The following GRIK2 variants were observed in gnomAD, a reference collection of about 807,000 sequenced individuals.
GRIK2 encodes glutamate receptor ionotropic, kainate 2.
A neutral mutation model predicts 100.3 loss-of-function variants in GRIK2; 32 were observed. The observed-to-expected ratio is 0.32, with a 90% CI of 0.24 to 0.43. The LOEUF is 0.43. Among genes scored for constraint, GRIK2 ranks in the 20% least tolerant of loss-of-function variants. GRIK2 has a pLI of 1.00. For synonymous variants in GRIK2, 417 were observed against 389.4 expected, an observed-to-expected ratio of 1.07 and a Z score of -0.83; for missense variants, 843 against 1,114.9, an observed-to-expected ratio of 0.76 and a Z score of 3.47.
chr6:101,689,332 A>G lies in GRIK2; in HGVS notation c.951+2979A>G, dbSNP rs959988779. Among the ~76,000 whole-genome samples, 88 of 152,032 alleles carry G rather than the reference A, an allele frequency of 5.8e-4. 1 individual carries two copies. Among genetic ancestry groups the G allele is most frequent in the Admixed American group, 4.6e-4 (7 of 15,232 alleles). On this transcript the variant is annotated intron_variant, in intron 7 of 16. Transcript: ENST00000369134. The stretch of plus-strand genomic sequence containing the variant: ...CAAAGTTTCTAGTGCTTGGAGCAAG[A>G]CCTATTATTATCAGTATCATAATCA...
chr6:101,562,951 A>G (rs981268031), intron 2 of GRIK2, among the ~76,000 whole-genome samples: 1 of 152,204 alleles, frequency 6.6e-6, no homozygotes, highest in Non-Finnish European at 1.5e-5. Flanking sequence ...GGAAAGGGGC[A>G]GTGAAGCTTT....
chr6:102,016,761 A>C (rs1795856809), intron 14 of GRIK2, among the ~76,000 whole-genome samples: 1 of 152,134 alleles, frequency 6.6e-6, no homozygotes, highest in Non-Finnish European at 1.5e-5. Flanking sequence ...AATCAAATTC[A>C]GGAAATGCAG....
chr6:101,781,353 T>C (rs1049085206), intron 7 of GRIK2, among the ~76,000 whole-genome samples: 1 of 152,228 alleles, frequency 6.6e-6, no homozygotes, highest in Non-Finnish European at 1.5e-5. Context: ...ACTTGATGAT[T>C]TAAATTATTT....
chr6:101,608,612 G>A (rs1422478807), intron 2 of GRIK2, among the ~76,000 whole-genome samples: 1 of 151,868 alleles, frequency 6.6e-6, no homozygotes, highest in East Asian at 1.9e-4. Flanking sequence ...ACTCAGTTAA[G>A]AGCTGCACAT....
chr6:101,719,285 T>A (rs950591396), intron 7 of GRIK2, among the ~76,000 whole-genome samples: 2 of 151,618 alleles, frequency 1.3e-5, no homozygotes, highest in African/African-American at 4.8e-5. Context: ...TGCAGGCCCA[T>A]TGGTTGCTGT....
rs559925248 is a variant in GRIK2, at chr6:101,842,008, C to T, written c.1318-17279C>T. Among the ~76,000 whole-genome samples, 31 of 152,218 alleles carry T rather than the reference C, an allele frequency of 2.0e-4. 1 individual carries two copies. In the East Asian group the frequency reaches 4.8e-3, roughly 24 times the overall value. ...ATTTACTTTAGGTAAGTTGCCATAA[C>T]TGGAGTGGGGATAATAATAATGAAT... is the stretch of plus-strand genomic sequence containing the variant. On this transcript the variant is annotated intron_variant, in intron 10 of 16. Transcript: ENST00000369134.
chr6:101,404,365 A>T (rs1478456695), intron 2 of GRIK2, among the ~76,000 whole-genome samples: 1 of 152,250 alleles, frequency 6.6e-6, no homozygotes, highest in Non-Finnish European at 1.5e-5. Flanking sequence ...GTTGTCTATG[A>T]TAACAATGAC....
At chr6:101,573,980 G>A (rs1777676803) in intron 2 of GRIK2, among the ~76,000 whole-genome samples, 1 of 151,868 alleles carries the variant, frequency 6.6e-6, no homozygotes, top group African/African-American at 2.4e-5. Context: ...AAGAAATCAT[G>A]TAACTTGCAC....
intron 4 of GRIK2, among the ~76,000 whole-genome samples, chr6:101,640,571 C>T (rs1007679315): frequency 1.3e-5 from 2 of 152,072 alleles, no homozygotes; most frequent in African/African-American, 4.8e-5. Flanking sequence ...AAATCTTGTT[C>T]TGTTAAATCA....
intron 2 of GRIK2, among the ~76,000 whole-genome samples, chr6:101,454,168 G>T (rs1301128257): frequency 6.6e-6 from 1 of 151,902 alleles, no homozygotes; most frequent in African/African-American, 2.4e-5. Flanking sequence ...TTCTTTGATT[G>T]GTATCATCAT....
intron 10 of GRIK2, among the ~76,000 whole-genome samples, chr6:101,846,003 C>T (rs537175433): frequency 6.8e-6 from 1 of 147,644 alleles, no homozygotes; most frequent in Non-Finnish European, 1.5e-5. Flanking sequence ...TTTTAAACAG[C>T]ATTGTTTTTT....
At chr6:102,051,462 T>C (rs1480363844) in intron 15 of GRIK2, among the ~76,000 whole-genome samples, 1 of 152,178 alleles carries the variant, frequency 6.6e-6, no homozygotes, top group Non-Finnish European at 1.5e-5. Context: ...AGCAGCGATA[T>C]AGAAAGTACC....
chr6:101,799,277 T>TTGTGTGTGTG lies in GRIK2; in HGVS notation c.952-351_952-342dup, dbSNP rs58920833. On this transcript the variant is annotated intron_variant, in intron 7 of 16. Transcript: ENST00000369134. ...ATTAAAAATGTTAGCAATGTACTCATTGTGTGTGTGTGTGTGTGTGTGTGT... is the reference window on the plus strand; with the variant it reads ...ATTAAAAATGTTAGCAATGTACTCATTGTGTGTGTGTGTGTGTGTGTGTGTGTGTGTGTGT... 8.5e-3 allele frequency among the ~76,000 whole-genome samples: 1,250 copies of TTGTGTGTGTG among 146,632 alleles called. 10 individuals carry two copies. The highest frequency in any genetic ancestry group is 0.028 in the African/African-American group (1,099 of 39,920).
intron 9 of GRIK2, among the ~76,000 whole-genome samples, chr6:101,808,238 C>T (rs1191361873): frequency 1.3e-5 from 2 of 151,988 alleles, no homozygotes; most frequent in African/African-American, 4.8e-5. Flanking sequence ...AAGAGTTCCA[C>T]ACAAAATGGG....
At chr6:101,824,078 G>A (rs933654559) in intron 10 of GRIK2, among the ~76,000 whole-genome samples, 3 of 151,770 alleles carry the variant, frequency 2.0e-5, no homozygotes, top group Admixed American at 1.3e-4. Flanking sequence ...TTGTAGAGAC[G>A]GTGACCATGT....
intron 2 of GRIK2, among the ~76,000 whole-genome samples, chr6:101,560,233 A>ATTT (rs1776937677): frequency 6.6e-6 from 1 of 151,966 alleles, no homozygotes; most frequent in Admixed American, 6.5e-5. Flanking sequence ...TTCTAAGTTT[A>ATTT]TTTTCCTTTA....
chr6:102,065,838 T>C, intron 16 of GRIK2: 1 of 1,500,260 alleles, frequency 6.7e-7, no homozygotes, highest in Non-Finnish European at 9.0e-7. Flanking sequence ...TATTCCTCCC[T>C]ATTTTGGAGT....
chr6:101,542,649 C>T (rs1014426858), intron 2 of GRIK2, among the ~76,000 whole-genome samples: 1 of 151,998 alleles, frequency 6.6e-6, no homozygotes, highest in Non-Finnish European at 1.5e-5. Flanking sequence ...AATTTTTAGA[C>T]GCTACTTACA....
rs1795151404 is a variant in GRIK2 at position 102,005,245 on chromosome 6, TATAA to T, written c.2086-30092_2086-30089del. 2.0e-5 allele frequency among the ~76,000 whole-genome samples: 3 copies of T among 151,160 alleles called. No individual in the cohort carries two copies. The Admixed American group carries it at 2.0e-4, about 10-fold the overall frequency. On this transcript the variant is annotated intron_variant, in intron 14 of 16. Coordinates refer to ENST00000369134, the MANE Select transcript of GRIK2 (RefSeq NM_021956.5). ...ATACACACATACAATCATATAATCT[TATAA>T]ATATTCACAATATGAGACTCTGTGA... is the stretch of plus-strand genomic sequence containing the variant.
Sources: gnomAD v4.1 joint callset for allele counts (sites outside exome capture counted in the v4.1 genomes callset) on GRCh38, gnomAD v4.1.1 for gene constraint, MANE v1.5 for transcripts, NCBI Gene and HGNC (gene_info 2026-07-23, HGNC 2026-07-21) for gene names.